The following TP53BP2 variants were observed in gnomAD, a reference collection of about 807,000 sequenced individuals.
TP53BP2 encodes apoptosis-stimulating of p53 protein 2.
Under a neutral mutation model 126.2 loss-of-function variants are expected in TP53BP2, and 62 were observed. The ratio of observed to expected loss-of-function variants is 0.49; its 90% CI spans 0.40 to 0.61. TP53BP2 has a LOEUF of 0.61. Ranked by LOEUF, TP53BP2 falls within the 20% of genes least tolerant of loss-of-function variation. The pLI is 0.00. For synonymous variants in TP53BP2, 485 were observed against 502.9 expected (o/e 0.96, Z 0.48); for missense variants, 1,215 against 1,402.8 (o/e 0.87, Z 2.14).
At chr1:223,824,957 C>G (rs973129144) in intron 1 of TP53BP2, among the ~76,000 whole-genome samples, 1 of 151,786 alleles carries the variant, frequency 6.6e-6, no homozygotes, top group Non-Finnish European at 1.5e-5. Context: ...ATCTCCGTCA[C>G]GCCTTTACTC....
chr1:223,803,514 AGGCAACCG>A, intron 6 of TP53BP2, 62 bp from the exon 7 acceptor site: 1 of 1,475,850 alleles, frequency 6.8e-7, no homozygotes, highest in Non-Finnish European at 9.1e-7. Context: ...ACTACTTCCC[AGGCAACCG>A]GGCTTTACAA....
chr1:223,792,619 C>G (rs1396179212), intron 14 of TP53BP2, 97 bp from the exon 15 acceptor site: 1 of 1,231,632 alleles, frequency 8.1e-7, no homozygotes, highest in South Asian at 1.5e-5. Flanking sequence ...CAGAAATGGA[C>G]TCTTGTGACA....
At chr1:223,800,839 A>C in intron 9 of TP53BP2, 29 bp from the exon 10 acceptor site, 1 of 1,494,932 alleles carries the variant, frequency 6.7e-7, no homozygotes, top group Non-Finnish European at 9.2e-7. Flanking sequence ...GCTACAAATA[A>C]CTCAGCATTC....
At position 223,802,105 on chromosome 1, in the gene TP53BP2, G is replaced by A; in HGVS notation, c.1225+11C>T. On this transcript the variant is annotated intron_variant, in intron 9 of 17. Transcript: ENST00000343537. ...GGGACAGGAAGAACTAGGCTGTGCAGGACTTTTTACCTTTAGTTTGTGAAG... is the reference window on the plus strand; with the variant it reads ...GGGACAGGAAGAACTAGGCTGTGCAAGACTTTTTACCTTTAGTTTGTGAAG... The A allele has an allele frequency of 6.2e-7, 1 of 1,613,368 alleles. No individual in the cohort carries two copies. The highest frequency in any genetic ancestry group is 8.5e-7 in the Non-Finnish European group (1 of 1,179,356).
At chr1:223,808,927 A>G (rs1662817956) in intron 4 of TP53BP2, among the ~76,000 whole-genome samples, 2 of 152,178 alleles carry the variant, frequency 1.3e-5, no homozygotes, top group Admixed American at 6.5e-5. Flanking sequence ...ACCACTACAC[A>G]TATATTTTAA....
intron 1 of TP53BP2, among the ~76,000 whole-genome samples, chr1:223,834,547 T>A (rs1404937474): frequency 6.6e-6 from 1 of 152,200 alleles, no homozygotes; most frequent in Non-Finnish European, 1.5e-5. Flanking sequence ...TTATGACACA[T>A]ATACACTGGT....
chr1:223,817,605 A>G (rs1484521829), intron 2 of TP53BP2, among the ~76,000 whole-genome samples: 1 of 152,130 alleles, frequency 6.6e-6, no homozygotes, highest in Non-Finnish European at 1.5e-5. Flanking sequence ...TAGCTCAACT[A>G]TAGTTTATGC....
intron 1 of TP53BP2, chr1:223,845,238 G>T: frequency 1.0e-6 from 1 of 985,146 alleles, no homozygotes; most frequent in Non-Finnish European, 1.2e-6. Context: ...AAAGGTACCC[G>T]TTCCAGTAAC....
At chr1:223,797,234 A>G (rs1053881729) in intron 12 of TP53BP2, among the ~76,000 whole-genome samples, 1 of 152,174 alleles carries the variant, frequency 6.6e-6, no homozygotes, top group Non-Finnish European at 1.5e-5. Flanking sequence ...AGCTATTTTC[A>G]TTCAATTAAA....
At chr1:223,829,828 C>G (rs1382153650) in intron 1 of TP53BP2, among the ~76,000 whole-genome samples, 1 of 151,706 alleles carries the variant, frequency 6.6e-6, no homozygotes, top group African/African-American at 2.4e-5. Context: ...ATCTTGCTTA[C>G]TTGGTAACAG....
chr1:223,786,573 CGTGTGTGCGTGT>C (rs1477553307), intron 16 of TP53BP2, among the ~76,000 whole-genome samples: 9 of 127,332 alleles, frequency 7.1e-5, no homozygotes, highest in African/African-American at 2.2e-4. Context: ...TGTGTGTGTG[CGTGTGTGCGTGT>C]GTGTGTGTGT....
intron 13 of TP53BP2, 26 bp from the exon 14 acceptor site, chr1:223,793,466 T>C (rs781265352): frequency 3.0e-5 from 46 of 1,540,456 alleles, no homozygotes; most frequent in Non-Finnish European, 3.9e-5. Flanking sequence ...GTGGAAAATT[T>C]AGGATCCTCG....
At chr1:223,785,173 T>C (rs952411577) in intron 16 of TP53BP2, among the ~76,000 whole-genome samples, 2 of 152,336 alleles carry the variant, frequency 1.3e-5, no homozygotes, top group Admixed American at 6.5e-5. Flanking sequence ...TATTTTCACT[T>C]TTATAATTTT....
chr1:223,841,546 A>G (rs61823591), intron 1 of TP53BP2, among the ~76,000 whole-genome samples: 14,496 of 152,274 alleles, frequency 0.095, 754 homozygotes, highest in African/African-American at 0.14. Flanking sequence ...TTTTAGTTTC[A>G]AAACACAATT....
chr1:223,808,822 C>T (rs1257757381), intron 4 of TP53BP2, among the ~76,000 whole-genome samples: 3 of 150,406 alleles, frequency 2.0e-5, no homozygotes, highest in Admixed American at 6.6e-5. Flanking sequence ...CAAATAATTT[C>T]ACCAAAGAAG....
intron 13 of TP53BP2, among the ~76,000 whole-genome samples, chr1:223,795,534 C>T (rs1343728639): frequency 6.6e-6 from 1 of 152,124 alleles, no homozygotes; most frequent in Non-Finnish European, 1.5e-5. Flanking sequence ...GGTGCTGCTT[C>T]CCTAATATGT....
At position 223,794,306 on chromosome 1, in the gene TP53BP2, A is replaced by T. The variant is rs542726716; in HGVS notation, c.2725-866T>A. On this transcript the variant is annotated intron_variant, in intron 13 of 17. Transcript: ENST00000343537. ...CTTTCATTTTATCTCAGATGTGGAA[A>T]ATTGCCAAGTTTTAAAAAACATTAA... Among the ~76,000 whole-genome samples the T allele has an allele frequency of 1.4e-4, 22 of 152,340 alleles. No individual in the cohort carries two copies. In the South Asian group the frequency reaches 4.6e-3, roughly 32 times the overall value.
chr1:223,814,852 C>T (rs1663033330), intron 2 of TP53BP2, among the ~76,000 whole-genome samples: 1 of 151,850 alleles, frequency 6.6e-6, no homozygotes, highest in Non-Finnish European at 1.5e-5. Flanking sequence ...AAAAATCAGA[C>T]CCATCCATTT....
At chr1:223,809,884 T>C (rs1662853269) in intron 4 of TP53BP2, among the ~76,000 whole-genome samples, 1 of 152,114 alleles carries the variant, frequency 6.6e-6, no homozygotes, top group Admixed American at 6.5e-5. Flanking sequence ...TGGAGTGCCA[T>C]GGCGCGACCT....
Sources: gnomAD v4.1 joint callset for allele counts (sites outside exome capture counted in the v4.1 genomes callset) on GRCh38, gnomAD v4.1.1 for gene constraint, MANE v1.5 for transcripts, NCBI Gene and HGNC (gene_info 2026-07-23, HGNC 2026-07-21) for gene names.